NXPH1: variants seen among roughly 807,000 people sequenced by gnomAD.
NXPH1 encodes the protein neurexophilin 1.
A neutral mutation model predicts 23.7 loss-of-function variants in NXPH1; 5 were observed. The ratio of observed to expected loss-of-function variants is 0.21; its 90% confidence interval spans 0.11 to 0.44. The LOEUF is 0.44. NXPH1 is among the 20% of genes least tolerant of loss of function. The pLI is 0.99. For synonymous variants in NXPH1, 144 were observed against 122.2 expected (o/e 1.18, Z -1.18); for missense variants, 324 against 321.6 (o/e 1.01, Z -0.06).
chr7:8,710,653 T>G (rs1365231349), intron 2 of NXPH1, among the ~76,000 whole-genome samples: 2 of 95,704 alleles, frequency 2.1e-5, no homozygotes, highest in Admixed American at 2.0e-4. Flanking sequence ...TTTTGTTTTT[T>G]TTTTTTTTTT....
At chr7:8,668,318 G>A (rs1404980788) in intron 2 of NXPH1, among the ~76,000 whole-genome samples, 1 of 144,958 alleles carries the variant, frequency 6.9e-6, no homozygotes, top group Non-Finnish European at 1.5e-5. Context: ...ATTTGGAGAA[G>A]TTGAGACTTA....
intron 2 of NXPH1, among the ~76,000 whole-genome samples, chr7:8,516,505 T>C (rs934918959): frequency 2.6e-5 from 4 of 152,182 alleles, no homozygotes; most frequent in African/African-American, 9.6e-5. Context: ...AAATGTCATT[T>C]GAAAGTCTTC....
At chr7:8,448,958 T>C (rs1021617002) in intron 2 of NXPH1, among the ~76,000 whole-genome samples, 2 of 152,218 alleles carry the variant, frequency 1.3e-5, no homozygotes, top group Non-Finnish European at 2.9e-5. Flanking sequence ...TTTAATTCCA[T>C]GTGGCAAACA....
At chr7:8,732,888 A>C (rs952280679) in intron 2 of NXPH1, among the ~76,000 whole-genome samples, 3 of 152,132 alleles carry the variant, frequency 2.0e-5, no homozygotes, top group Non-Finnish European at 4.4e-5. Context: ...AATTTTTAAA[A>C]AAATTTTACT....
intron 2 of NXPH1, among the ~76,000 whole-genome samples, chr7:8,561,001 A>G (rs1177662671): frequency 6.6e-6 from 1 of 151,602 alleles, no homozygotes. Flanking sequence ...CTGGATTGAA[A>G]TATTAATGAT....
intron 2 of NXPH1, among the ~76,000 whole-genome samples, chr7:8,488,591 T>C (rs755062073): frequency 1.3e-5 from 2 of 152,150 alleles, no homozygotes; most frequent in Non-Finnish European, 2.9e-5. Context: ...ATTTTGTGCC[T>C]TTTATTCTAA....
chr7:8,625,029 T>A (rs1819957221), intron 2 of NXPH1, among the ~76,000 whole-genome samples: 1 of 152,142 alleles, frequency 6.6e-6, no homozygotes, highest in Admixed American at 6.6e-5. Flanking sequence ...TGTTTTAAAA[T>A]ATATATTTAG....
At chr7:8,690,683 T>C (rs58407391) in intron 2 of NXPH1, among the ~76,000 whole-genome samples, 4,144 of 152,304 alleles carry the variant, frequency 0.027, 66 homozygotes, top group Middle Eastern at 0.051. Flanking sequence ...GAAATTGTAG[T>C]TTACCTTGTA....
At chr7:8,574,259 T>C (rs771658305) in intron 2 of NXPH1, among the ~76,000 whole-genome samples, 2 of 147,678 alleles carry the variant, frequency 1.4e-5, no homozygotes, top group Non-Finnish European at 2.9e-5. Context: ...TAGGCAAAAC[T>C]GTTTTTTTAA....
intron 2 of NXPH1, among the ~76,000 whole-genome samples, chr7:8,621,872 A>G (rs969202446): frequency 6.6e-6 from 1 of 151,990 alleles, no homozygotes; most frequent in African/African-American, 2.4e-5. Flanking sequence ...CTACCAACCA[A>G]CCCTGTAAGT....
intron 2 of NXPH1, among the ~76,000 whole-genome samples, chr7:8,641,987 C>T (rs1165567787): frequency 6.6e-6 from 1 of 152,154 alleles, no homozygotes; most frequent in African/African-American, 2.4e-5. Context: ...ATTCCTGGAG[C>T]CCTGCACCTT....
At chr7:8,695,614 T>C (rs540224801) in intron 2 of NXPH1, among the ~76,000 whole-genome samples, 1 of 152,212 alleles carries the variant, frequency 6.6e-6, no homozygotes, top group South Asian at 2.1e-4. Context: ...TTCAGCCTTC[T>C]TTGTTAAGGA....
chr7:8,737,432 T>C (rs1780280305), intron 2 of NXPH1, among the ~76,000 whole-genome samples: 1 of 152,198 alleles, frequency 6.6e-6, no homozygotes, highest in Non-Finnish European at 1.5e-5. Context: ...TTGAAAATTC[T>C]TTTGTTTAAG....
intron 2 of NXPH1, among the ~76,000 whole-genome samples, chr7:8,576,222 T>G (rs117999641): frequency 0.012 from 1,903 of 152,302 alleles, 27 homozygotes; most frequent in Non-Finnish European, 0.016. Context: ...ATTTCATGTT[T>G]CCATACTTAG....
chr7:8,720,640 A>G (rs547403567), intron 2 of NXPH1, among the ~76,000 whole-genome samples: 2 of 152,372 alleles, frequency 1.3e-5, no homozygotes, highest in South Asian at 4.1e-4. Flanking sequence ...GCTTATTATC[A>G]GTAAAACAAT....
In NXPH1 at chr7:8,549,067, C is replaced by A. The variant is rs1172392685; in HGVS notation, c.54+113300C>A. ...AGATAAAGTCCCACTAATTATCCAG[C>A]ATCTTAAAAGATAAATTAAAAAATC... On this transcript the variant is annotated intron_variant, in intron 2 of 2. Coordinates refer to ENST00000405863, the MANE Select transcript of NXPH1 (RefSeq NM_152745.3). Among the ~76,000 whole-genome samples the A allele has an allele frequency of 2.0e-5, 3 of 151,536 alleles. No individual in the cohort carries two copies. In the East Asian group the frequency reaches 5.9e-4, roughly 30 times the overall value.
chr7:8,532,436 C>T (rs1190747300), intron 2 of NXPH1, among the ~76,000 whole-genome samples: 2 of 126,040 alleles, frequency 1.6e-5, no homozygotes, highest in African/African-American at 6.4e-5. Context: ...AATACTCTCA[C>T]CTGCTCTGAA....
chr7:8,441,054 A>G (rs1307505342), intron 2 of NXPH1, among the ~76,000 whole-genome samples: 1 of 152,174 alleles, frequency 6.6e-6, no homozygotes, highest in East Asian at 1.9e-4. Context: ...TAAAAATAAA[A>G]AGTGTCTAGC....
chr7:8,704,342 A>G (rs903336670), intron 2 of NXPH1, among the ~76,000 whole-genome samples: 2 of 152,166 alleles, frequency 1.3e-5, no homozygotes, highest in African/African-American at 2.4e-5. Flanking sequence ...GATTTATTCC[A>G]TGTGTCTTGC....
Sources: gnomAD v4.1 joint callset for allele counts (sites outside exome capture counted in the v4.1 genomes callset) on GRCh38, gnomAD v4.1.1 for gene constraint, MANE v1.5 for transcripts, NCBI Gene and HGNC (gene_info 2026-07-23, HGNC 2026-07-21) for gene names.